Variants in DPP8 observed in about 807,000 individuals in gnomAD.
The protein encoded by DPP8 is dipeptidyl peptidase 8.
DPP8 carries 31 observed loss-of-function variants against 107.5 expected under a neutral mutation model. The observed-to-expected ratio is 0.29, with a 90% CI of 0.22 to 0.39. DPP8 has a LOEUF of 0.39. Among genes scored for constraint, DPP8 ranks in the 10% least tolerant of loss-of-function variants. The pLI, the probability that DPP8 is intolerant of heterozygous loss-of-function variation, is 1.00. For missense variants in DPP8, 842 were observed against 1,076.1 expected (o/e 0.78, Z 3.04); for synonymous variants, 381 against 356.6 (o/e 1.07, Z -0.77).
At chr15:65,466,843 C>A in intron 13 of DPP8, 30 bp from the exon 14 acceptor site, 2 of 1,600,644 alleles carry the variant, frequency 1.2e-6, no homozygotes, top group South Asian at 1.1e-5. Context: ...TTATATTTTT[C>A]GTCAGGAAGG....
In DPP8 at chr15:65,481,583, T is replaced by C. The variant is rs1455332447; in HGVS notation, c.1050A>G (p.Gln350=). Residue 350 remains glutamine, a synonymous_variant, in exon 9 of 20, where the codon CAA becomes CAG. Transcript: ENST00000300141. The part of the protein sequence containing the change: ...IIDVIDKELI[Q]PFEILFEGVE... The stretch of plus-strand genomic sequence containing the variant: ...CTCCTTCAAATAGAATCTCAAAAGG[T>C]TGAATTAGTTCCTTATCTATGACAT... 7 of 1,584,306 alleles carry C rather than the reference T, an allele frequency of 4.4e-6. No homozygotes were observed. The highest frequency in any genetic ancestry group is 5.1e-6 in the Non-Finnish European group (6 of 1,165,466).
chr15:65,495,287 C>T (rs748959190), intron 5 of DPP8, among the ~76,000 whole-genome samples: 5 of 152,148 alleles, frequency 3.3e-5, no homozygotes, highest in South Asian at 4.1e-4. Flanking sequence ...TCCCTGACCA[C>T]TGTCTCACAT....
chr15:65,449,970 TA>T (rs1354593257), intron 19 of DPP8, among the ~76,000 whole-genome samples: 2 of 107,126 alleles, frequency 1.9e-5, no homozygotes, highest in African/African-American at 6.6e-5. Context: ...TTATTATTAT[TA>T]TTATTTTTTT....
chr15:65,444,593 A>G lies in DPP8; in HGVS notation c.*2291T>C, dbSNP rs1188190210. The G allele has an allele frequency of 3.9e-5, 6 of 152,118 alleles. No individual in the cohort carries two copies. Among genetic ancestry groups the G allele is most frequent in the African/African-American group, 1.4e-4 (6 of 41,414 alleles). The allele number at this position is 152,118 out of a possible 1,614,324, so 9.4% of individuals were successfully genotyped here. The stretch of plus-strand genomic sequence containing the variant: ...TTTCTGTAAGAGAATTCATTCAGGT[A>G]TTTTTTCCTGCTAAAGAAGCAGAAT... On this transcript the variant is annotated 3_prime_UTR_variant, in exon 20 of 20. Transcript: ENST00000300141.
At chr15:65,508,844 C>T (rs1425146654) in intron 2 of DPP8, among the ~76,000 whole-genome samples, 3 of 151,050 alleles carry the variant, frequency 2.0e-5, no homozygotes, top group African/African-American at 7.3e-5. Context: ...AGGGGCAAAA[C>T]TCCATCTCAA....
At chr15:65,472,563 G>A (rs1420296476) in intron 12 of DPP8, among the ~76,000 whole-genome samples, 1 of 152,082 alleles carries the variant, frequency 6.6e-6, no homozygotes, top group Non-Finnish European at 1.5e-5. Flanking sequence ...ATCTCCCAAA[G>A]GGCTGGATTA....
At chr15:65,460,554 A>AC (rs752761678) in intron 15 of DPP8, among the ~76,000 whole-genome samples, 9 of 152,336 alleles carry the variant, frequency 5.9e-5, no homozygotes, top group Non-Finnish European at 1.2e-4. Flanking sequence ...TATTATAGGT[A>AC]CCTCATACAG....
chr15:65,455,546 A>G (rs1481314587), intron 16 of DPP8: 8 of 538,336 alleles, frequency 1.5e-5, no homozygotes, highest in African/African-American at 1.4e-4. Flanking sequence ...CTACTTCTTT[A>G]AAGTCCTAAT....
chr15:65,480,418 G>A lies in DPP8; in HGVS notation c.1119-19C>T. 3 of 1,579,464 alleles carry A rather than the reference G, an allele frequency of 1.9e-6. No individual in the cohort carries two copies. Among genetic ancestry groups the A allele is most frequent in the Non-Finnish European group, 2.6e-6 (3 of 1,163,034 alleles). On this transcript the variant is annotated intron_variant, in intron 9 of 19. Coordinates refer to ENST00000300141, the MANE Select transcript of DPP8 (RefSeq NM_130434.5). ...CCAAGCACTATTTAAATAAATAAAAGAGAAGAACCAGAAATAAAGCAAGCT... is the reference window on the plus strand; with the variant it reads ...CCAAGCACTATTTAAATAAATAAAAAAGAAGAACCAGAAATAAAGCAAGCT...
chr15:65,478,786 T>C, intron 11 of DPP8, 94 bp downstream of exon 11: 1 of 834,278 alleles, frequency 1.2e-6, no homozygotes, highest in Non-Finnish European at 1.9e-6. Context: ...CAAGTATTGA[T>C]GCTTATAAAG....
intron 11 of DPP8, among the ~76,000 whole-genome samples, chr15:65,477,383 G>A (rs113104443): frequency 3.3e-5 from 5 of 150,214 alleles, no homozygotes; most frequent in Non-Finnish European, 7.4e-5. Flanking sequence ...TGACAAGAGC[G>A]AGACTCCGTC....
intron 8 of DPP8, among the ~76,000 whole-genome samples, chr15:65,483,592 A>ATAACATAACATAAC (rs1567219235): frequency 4.4e-4 from 27 of 60,792 alleles, no homozygotes; most frequent in African/African-American, 2.7e-3. Context: ...CAAACAATAA[A>ATAACATAACATAAC]ATAAAATAAA....
chr15:65,474,187 T>C (rs747434455), intron 12 of DPP8, 22 bp downstream of exon 12: 2 of 1,540,814 alleles, frequency 1.3e-6, no homozygotes, highest in Non-Finnish European at 1.8e-6. Flanking sequence ...ACCAAACATA[T>C]CAGTAGAATA....
chr15:65,473,616 C>T (rs1366665125), intron 12 of DPP8, among the ~76,000 whole-genome samples: 1 of 151,976 alleles, frequency 6.6e-6, no homozygotes, highest in African/African-American at 2.4e-5. Context: ...CTGCAGTGAG[C>T]CATGACTGTG....
intron 11 of DPP8, chr15:65,475,445 A>T (rs2066297566): frequency 6.4e-7 from 1 of 1,570,672 alleles, no homozygotes. Flanking sequence ...GCATTCAGGG[A>T]GCCAGGGTCC....
chr15:65,474,106 GAA>G, intron 12 of DPP8, 101 bp downstream of exon 12: 2 of 858,210 alleles, frequency 2.3e-6, no homozygotes, highest in Non-Finnish European at 3.8e-6. Context: ...CTCTGTCTCG[GAA>G]AAAAAAATAC....
At chr15:65,482,186 T>C (rs1336802887) in intron 8 of DPP8, among the ~76,000 whole-genome samples, 2 of 151,108 alleles carry the variant, frequency 1.3e-5, no homozygotes, top group African/African-American at 4.9e-5. Flanking sequence ...GTAAGGTGTG[T>C]GCTTGTAATG....
chr15:65,506,467 G>A lies in DPP8; in HGVS notation c.372+776C>T, dbSNP rs530215063. 1.5e-3 allele frequency among the ~76,000 whole-genome samples: 224 copies of A among 150,926 alleles called. 1 individual carries two copies. The highest frequency in any genetic ancestry group is 5.1e-3 in the African/African-American group (209 of 41,176). On this transcript the variant is annotated intron_variant, in intron 3 of 19. Coordinates refer to ENST00000300141, the MANE Select transcript of DPP8 (RefSeq NM_130434.5). ...TACTTTCTTATCTAAAGATAAAATC[G>A]GCCAGGTGAGGTGGCTCACGCCTGT...
At position 65,509,791 on chromosome 15, in the gene DPP8, TG is replaced by T. The variant is rs562223943; in HGVS notation, c.260-2437del. Among the ~76,000 whole-genome samples, 397 of 152,088 alleles carry T rather than the reference TG, an allele frequency of 2.6e-3. 1 individual carries two copies. Among genetic ancestry groups the T allele is most frequent in the Non-Finnish European group, 3.5e-3 (236 of 67,978 alleles). ...ATTCCAGCACTCTGGGAGGCTGAGGTGGGTAGACAGCTTGAGCTCAGGAGTT... is the reference window on the plus strand; with the variant it reads ...ATTCCAGCACTCTGGGAGGCTGAGGTGGTAGACAGCTTGAGCTCAGGAGTT... On this transcript the variant is annotated intron_variant, in intron 2 of 19. Transcript: ENST00000300141.
Sources: gnomAD v4.1 joint callset for allele counts (sites outside exome capture counted in the v4.1 genomes callset) on GRCh38, gnomAD v4.1.1 for gene constraint, MANE v1.5 for transcripts, NCBI Gene and HGNC (gene_info 2026-07-23, HGNC 2026-07-21) for gene names.